The following SCN2A variants were observed in gnomAD, a reference collection of about 807,000 sequenced individuals.
The protein encoded by SCN2A is sodium channel protein type 2 subunit alpha.
A neutral mutation model predicts 188.7 loss-of-function variants in SCN2A; 20 were observed. That is an observed-to-expected ratio of 0.11 (90% CI 0.07 to 0.15). SCN2A has a LOEUF of 0.15. Ranked by LOEUF, SCN2A falls within the 10% of genes least tolerant of loss-of-function variation. SCN2A has a pLI of 1.00. For missense variants in SCN2A, 1,278 were observed against 2,445.0 expected (o/e 0.52, Z 10.07); for synonymous variants, 804 against 833.1 (o/e 0.97, Z 0.60).
chr2:165,375,199 A>G lies in SCN2A; in HGVS notation c.4254+233A>G, dbSNP rs116042841. On this transcript the variant is annotated intron_variant, in intron 22 of 26. Coordinates refer to ENST00000375437, the MANE Select transcript of SCN2A (RefSeq NM_001040142.2). ...GGAGGTTTCTCAAAAAACTAAAAAT[A>G]GAACCACTATGTGATCCAACAATTC... Among the ~76,000 whole-genome samples, 1,160 of 152,180 alleles carry G rather than the reference A, an allele frequency of 7.6e-3. 22 individuals carry two copies. Among genetic ancestry groups the G allele is most frequent in the African/African-American group, 0.026 (1,071 of 41,548 alleles).
At chr2:165,311,186 T>A (rs1697406680) in intron 7 of SCN2A, among the ~76,000 whole-genome samples, 1 of 152,198 alleles carries the variant, frequency 6.6e-6, no homozygotes, top group Middle Eastern at 3.4e-3. Flanking sequence ...ATTTAAGGTA[T>A]GAACATCAGA....
intron 21 of SCN2A, 125 bp downstream of exon 21, chr2:165,373,472 A>C: frequency 9.5e-7 from 1 of 1,052,658 alleles, no homozygotes; most frequent in Non-Finnish European, 1.4e-6. Flanking sequence ...ATAGCTAATC[A>C]ATCAAAAATA....
chr2:165,277,350 T>C (rs1695394183), intron 1 of SCN2A, among the ~76,000 whole-genome samples: 1 of 152,228 alleles, frequency 6.6e-6, no homozygotes, highest in Admixed American at 6.5e-5. Context: ...AAGAGCTTAT[T>C]TGAGCAAATG....
chr2:165,289,057 C>T (rs567476254), intron 1 of SCN2A, among the ~76,000 whole-genome samples: 34 of 152,078 alleles, frequency 2.2e-4, no homozygotes, highest in African/African-American at 7.2e-4. Flanking sequence ...TAAGTCTTTG[C>T]GCACTTATCC....
At chr2:165,330,368 T>A (rs3769947) in intron 13 of SCN2A, among the ~76,000 whole-genome samples, 30,384 of 152,096 alleles carry the variant, frequency 0.2, 3,605 homozygotes, top group African/African-American at 0.33. Flanking sequence ...CAAAGGAAGA[T>A]GGTAGACAGT....
intron 1 of SCN2A, chr2:165,285,769 A>G: frequency 5.9e-6 from 1 of 169,932 alleles, no homozygotes; most frequent in Non-Finnish European, 1.3e-5. Context: ...TGCAGCTTCT[A>G]AGGCCCCAGG....
At chr2:165,293,930 C>A in intron 1 of SCN2A, 2 of 971,690 alleles carry the variant, frequency 2.1e-6, no homozygotes, top group Non-Finnish European at 2.4e-6. Context: ...TTTTGTAGTC[C>A]CTGTACAGGA....
At chr2:165,310,633 C>A (rs1216095476) in intron 7 of SCN2A, 38 bp downstream of exon 7, 5 of 1,426,500 alleles carry the variant, frequency 3.5e-6, no homozygotes, top group East Asian at 4.9e-5. Context: ...TTGTTTAGTT[C>A]TCTAAATATT....
Position 165,323,296 on chromosome 2 carries a change from T to C in SCN2A, c.1812T>C (p.Asn604=). ...ATGAGCACAGCACCTTTGAGGACAA[T>C]GACAGCCGAAGAGACTCTCTGTTCG... The part of the protein sequence containing the change: ...ADDEHSTFED[N]DSRRDSLFVP... The change falls in exon 12 of 27, where the codon AAT becomes AAC. Residue 604 remains asparagine (N), a synonymous_variant. Coordinates refer to ENST00000375437, the MANE Select transcript of SCN2A (RefSeq NM_001040142.2). 1.2e-6 allele frequency: 2 copies of C among 1,614,094 alleles called. No homozygotes were observed. Among genetic ancestry groups the C allele is most frequent in the South Asian group, 1.1e-5 (1 of 91,082 alleles).
At chr2:165,367,451 T>C in intron 19 of SCN2A, 80 bp downstream of exon 19, 1 of 1,444,978 alleles carries the variant, frequency 6.9e-7, no homozygotes, top group Non-Finnish European at 9.7e-7. Flanking sequence ...TATTACCCAC[T>C]TTTAAATTAA....
At chr2:165,334,213 T>A (rs1202629654) in intron 14 of SCN2A, among the ~76,000 whole-genome samples, 1 of 151,650 alleles carries the variant, frequency 6.6e-6, no homozygotes, top group Non-Finnish European at 1.5e-5. Flanking sequence ...TTAACATCAA[T>A]CCTTAACAAA....
At position 165,365,122 on chromosome 2, in the gene SCN2A, T is replaced by C. The variant is rs371299224; in HGVS notation, c.3400-21T>C. 10 of 1,609,428 alleles carry C rather than the reference T, an allele frequency of 6.2e-6. No homozygotes were observed. The East Asian group carries it at 1.1e-4, about 18-fold the overall frequency. On this transcript the variant is annotated intron_variant, in intron 17 of 26. Transcript: ENST00000375437. Reference sequence around the variant, plus strand: ...TTAAAGAAAATAATTAAATGTGTTTTTTTGTGGGATTGATTTTCAGAAGCT... The same window carrying C: ...TTAAAGAAAATAATTAAATGTGTTTCTTTGTGGGATTGATTTTCAGAAGCT...
chr2:165,362,250 T>C (rs1335907491), intron 17 of SCN2A, among the ~76,000 whole-genome samples: 1 of 151,990 alleles, frequency 6.6e-6, no homozygotes, highest in Admixed American at 6.6e-5. Context: ...AATATTTGGC[T>C]TTAGGAAAAA....
At chr2:165,373,376 G>A (rs1461824366) in intron 21 of SCN2A, 29 bp downstream of exon 21, 1 of 1,611,840 alleles carries the variant, frequency 6.2e-7, no homozygotes, top group Admixed American at 1.7e-5. Context: ...GAGTTTGTCA[G>A]AATTATTATT....
At chr2:165,367,441 T>C in intron 19 of SCN2A, 70 bp downstream of exon 19, 3 of 1,487,878 alleles carry the variant, frequency 2.0e-6, no homozygotes, top group Middle Eastern at 1.7e-4. Flanking sequence ...AATCAACTCA[T>C]ATTACCCACT....
At chr2:165,380,800 C>T (rs1701561572) in intron 24 of SCN2A, 71 bp downstream of exon 24, 6 of 1,220,176 alleles carry the variant, frequency 4.9e-6, no homozygotes, top group Non-Finnish European at 7.0e-6. Context: ...CCTTTAGCCT[C>T]CAAAATGCAA....
intron 14 of SCN2A, among the ~76,000 whole-genome samples, chr2:165,339,980 A>G (rs1383817903): frequency 6.6e-6 from 1 of 152,254 alleles, no homozygotes; most frequent in Non-Finnish European, 1.5e-5. Context: ...GAGTTCATAA[A>G]TAGATCCAAA....
chr2:165,341,478 G>A (rs1057048538), intron 14 of SCN2A, among the ~76,000 whole-genome samples: 2 of 152,208 alleles, frequency 1.3e-5, no homozygotes, highest in African/African-American at 4.8e-5. Flanking sequence ...TAGTAGAAAT[G>A]TTGGTTAATT....
chr2:165,255,984 C>A (rs1346535285), intron 1 of SCN2A, among the ~76,000 whole-genome samples: 28 of 114,708 alleles, frequency 2.4e-4, no homozygotes, highest in Non-Finnish European at 3.7e-4. Flanking sequence ...GAAATGTTTT[C>A]ATTTGGGGCT....
Sources: gnomAD v4.1 joint callset for allele counts (sites outside exome capture counted in the v4.1 genomes callset) on GRCh38, gnomAD v4.1.1 for gene constraint, MANE v1.5 for transcripts, NCBI Gene and HGNC (gene_info 2026-07-23, HGNC 2026-07-21) for gene names.